Variants in SYNE1 observed in about 807,000 individuals in gnomAD.
The protein encoded by SYNE1 is nesprin-1.
Under a neutral mutation model 1,111.0 loss-of-function variants are expected in SYNE1, and 616 were observed. The ratio of observed to expected loss-of-function variants is 0.55; its 90% CI spans 0.52 to 0.59. SYNE1 has a LOEUF of 0.59. Ranked by LOEUF, SYNE1 falls within the 20% of genes least tolerant of loss-of-function variation. SYNE1 has a pLI of 0.00. For synonymous variants in SYNE1, 3,855 were observed against 3,825.8 expected (o/e 1.01, Z -0.28); for missense variants, 10,006 against 10,417.0 (o/e 0.96, Z 1.72).
chr6:152,545,731 T>C (rs2099309227), intron 3 of SYNE1, among the ~76,000 whole-genome samples: 1 of 152,342 alleles, frequency 6.6e-6, no homozygotes, highest in Non-Finnish European at 1.5e-5. Flanking sequence ...TAGGTTATGA[T>C]AAACTTTTTG....
intron 3 of SYNE1, among the ~76,000 whole-genome samples, chr6:152,616,871 G>A (rs1219565614): frequency 6.6e-6 from 1 of 152,064 alleles, no homozygotes; most frequent in Non-Finnish European, 1.5e-5. Context: ...ACTCTGATGG[G>A]CCCTGCACAC....
At chr6:152,536,037 C>G (rs1478173914) in intron 4 of SYNE1, among the ~76,000 whole-genome samples, 1 of 151,948 alleles carries the variant, frequency 6.6e-6, no homozygotes, top group Non-Finnish European at 1.5e-5. Context: ...CTGCTTATCC[C>G]AAAGTTAGAC....
At chr6:152,546,047 C>T (rs1449900852) in intron 3 of SYNE1, 1 of 152,122 alleles carries the variant, frequency 6.6e-6, no homozygotes, top group Non-Finnish European at 1.5e-5. Context: ...ACAGCAAAGG[C>T]ATACAGTGAC....
At chr6:152,593,579 TA>T (rs1048753132) in intron 3 of SYNE1, among the ~76,000 whole-genome samples, 98 of 146,100 alleles carry the variant, frequency 6.7e-4, no homozygotes, top group African/African-American at 1.3e-3. Flanking sequence ...GAGACTCCTT[TA>T]AAAAAAAAAA....
intron 121 of SYNE1, among the ~76,000 whole-genome samples, chr6:152,215,441 A>G (rs147750316): frequency 1.3e-5 from 2 of 152,160 alleles, no homozygotes; most frequent in Non-Finnish European, 2.9e-5. Flanking sequence ...TACATATACT[A>G]TTTACTTGAT....
chr6:152,580,804 C>T (rs1201411883), intron 3 of SYNE1, among the ~76,000 whole-genome samples: 1 of 152,110 alleles, frequency 6.6e-6, no homozygotes, highest in East Asian at 1.9e-4. Flanking sequence ...CTACTGAGCC[C>T]TATCCAAAAT....
intron 20 of SYNE1, among the ~76,000 whole-genome samples, chr6:152,462,180 T>C (rs1002488021): frequency 9.2e-5 from 14 of 152,178 alleles, no homozygotes; most frequent in South Asian, 4.1e-4. Context: ...TTACTTATAG[T>C]CTTCTCCCAC....
At chr6:152,433,448 A>G in intron 34 of SYNE1, 1 of 304,240 alleles carries the variant, frequency 3.3e-6, no homozygotes, top group South Asian at 3.7e-5. Context: ...AGAGTTGTAC[A>G]GGATGAATAC....
intron 76 of SYNE1, 147 bp downstream of exon 76, chr6:152,336,694 G>T: frequency 9.5e-7 from 1 of 1,048,726 alleles, no homozygotes. Flanking sequence ...ATAACCTGGG[G>T]CTTGGGGACC....
At chr6:152,490,229 C>T (rs931914655) in intron 11 of SYNE1, among the ~76,000 whole-genome samples, 3 of 151,994 alleles carry the variant, frequency 2.0e-5, no homozygotes, top group Non-Finnish European at 4.4e-5. Flanking sequence ...AGGTTATATG[C>T]AAATACTACA....
At chr6:152,372,796 T>G (rs2097211346) in intron 59 of SYNE1, among the ~76,000 whole-genome samples, 1 of 152,098 alleles carries the variant, frequency 6.6e-6, no homozygotes, top group Non-Finnish European at 1.5e-5. Context: ...GCTGGGAGAG[T>G]GCAAGGCCAA....
In SYNE1 at chr6:152,428,367, A is replaced by G; in HGVS notation, c.4814T>C (p.Leu1605Pro). Residue 1605 changes from leucine to proline, a missense_variant, in exon 37 of 146, where the codon CTG becomes CCG. By Grantham distance (98) the Leu-to-Pro change is moderately conservative. Around this residue, in one of 7 missense-constraint regions of SYNE1, gnomAD observed 1,971 missense variants for 2,084.1 expected, o/e 0.95. Coordinates refer to ENST00000367255, the MANE Select transcript of SYNE1 (RefSeq NM_182961.4). The stretch of plus-strand genomic sequence containing the variant: ...TGAGAAGGCAGTGATCGCGCTGCTC[A>G]GTGACTCCAGGGCCTGGCAGAGATC... ...HMDLCQALES[L>P]SSAITAFSAS... 6.2e-7 allele frequency: 1 copy of G among 1,613,926 alleles called. No homozygotes were observed. The highest frequency in any genetic ancestry group is 8.5e-7 in the Non-Finnish European group (1 of 1,180,026).
At chr6:152,332,345 T>C (rs530066950) in intron 77 of SYNE1, among the ~76,000 whole-genome samples, 2 of 152,356 alleles carry the variant, frequency 1.3e-5, no homozygotes, top group Admixed American at 6.5e-5. Context: ...TCATGGTTTG[T>C]TGACAGAAGT....
intron 70 of SYNE1, 51 bp downstream of exon 70, chr6:152,351,976 T>C: frequency 6.4e-7 from 1 of 1,562,034 alleles, no homozygotes; most frequent in East Asian, 2.2e-5. Flanking sequence ...TCCCTCCCAT[T>C]TGGTCTCTGT....
chr6:152,259,034 T>C (rs751436591), intron 101 of SYNE1, among the ~76,000 whole-genome samples: 4 of 152,064 alleles, frequency 2.6e-5, no homozygotes, highest in Non-Finnish European at 5.9e-5. Context: ...TGTGAGCCAC[T>C]GCACCCAGCC....
chr6:152,207,558 G>A (rs911310732), intron 125 of SYNE1, among the ~76,000 whole-genome samples: 1 of 152,192 alleles, frequency 6.6e-6, no homozygotes, highest in Admixed American at 6.5e-5. Flanking sequence ...AAGCCTGAAG[G>A]TAAGGGGCAA....
intron 3 of SYNE1, among the ~76,000 whole-genome samples, chr6:152,587,347 T>G (rs2099543419): frequency 6.6e-6 from 1 of 152,222 alleles, no homozygotes; most frequent in Non-Finnish European, 1.5e-5. Context: ...AAGGGCTAGC[T>G]GCTGCTCCTT....
intron 32 of SYNE1, among the ~76,000 whole-genome samples, chr6:152,440,272 A>C (rs1435839774): frequency 1.3e-5 from 2 of 152,102 alleles, no homozygotes; most frequent in Non-Finnish European, 2.9e-5. Context: ...ACCTGCCTAA[A>C]AATTCATCCA....
At chr6:152,289,404 T>C (rs1047613345) in intron 95 of SYNE1, among the ~76,000 whole-genome samples, 1 of 150,770 alleles carries the variant, frequency 6.6e-6, no homozygotes, top group Non-Finnish European at 1.5e-5. Flanking sequence ...CAAGTTTTTG[T>C]TTGTTTGTTT....
Sources: gnomAD v4.1 joint callset for allele counts (sites outside exome capture counted in the v4.1 genomes callset) on GRCh38, gnomAD v4.1.1 for gene constraint, gnomAD v4.1.1 regional missense constraint, MANE v1.5 for transcripts, NCBI Gene and HGNC (gene_info 2026-07-23, HGNC 2026-07-21) for gene names.